Variants in KAT6B observed in about 807,000 individuals in gnomAD.
KAT6B encodes the protein lysine acetyltransferase 6B.
In KAT6B, 10 loss-of-function variants were observed where a neutral mutation model predicts 187.5. The ratio of observed to expected loss-of-function variants is 0.05; its 90% CI spans 0.03 to 0.09. The LOEUF (loss-of-function observed/expected upper bound fraction) is 0.09, where lower values mean the gene tolerates loss of function less well. KAT6B is among the 10% of genes least tolerant of loss of function. The pLI is 1.00. For missense variants in KAT6B, 1,952 were observed against 2,558.9 expected (o/e 0.76, Z 5.12); for synonymous variants, 861 against 926.8 (o/e 0.93, Z 1.29).
intron 3 of KAT6B, among the ~76,000 whole-genome samples, chr10:74,900,565 T>G (rs543783008): frequency 6.6e-6 from 1 of 152,328 alleles, no homozygotes; most frequent in East Asian, 1.9e-4. Flanking sequence ...TGGAGGCATG[T>G]GCCCATGCTT....
intron 3 of KAT6B, among the ~76,000 whole-genome samples, chr10:74,929,018 A>G (rs139492523): frequency 1.4e-4 from 21 of 152,290 alleles, no homozygotes; most frequent in African/African-American, 5.1e-4. Flanking sequence ...TTAGTGATTT[A>G]TAATTAATTA....
At chr10:74,870,729 C>T (rs931229063) in intron 3 of KAT6B, among the ~76,000 whole-genome samples, 4 of 151,360 alleles carry the variant, frequency 2.6e-5, no homozygotes, top group Admixed American at 6.6e-5. Context: ...CAGGCATGCG[C>T]CACCACGCCC....
In KAT6B at chr10:74,981,772, T is replaced by C. The variant is rs371892891; in HGVS notation, c.2232-15T>C. The C allele has an allele frequency of 6.8e-7, 1 of 1,475,270 alleles. No individual in the cohort carries two copies. The highest frequency in any genetic ancestry group is 1.4e-5 in the African/African-American group (1 of 72,040). 91.4% of individuals were successfully genotyped at this position (1,475,270 alleles called of 1,614,324 possible). ...AATCTATCTGATAGATTCTATGATT[T>C]TTAAACTTTAACAGATTACCAAAGC... On this transcript the variant is annotated splice_polypyrimidine_tract_variant and intron_variant, in intron 10 of 17. Coordinates refer to ENST00000287239, the MANE Select transcript of KAT6B (RefSeq NM_012330.4).
At chr10:74,878,409 C>G (rs1221555884) in intron 3 of KAT6B, among the ~76,000 whole-genome samples, 2 of 151,950 alleles carry the variant, frequency 1.3e-5, no homozygotes, top group African/African-American at 4.8e-5. Context: ...CCCTAAAGCT[C>G]AGGAGTTCTA....
upstream of KAT6B, among the ~76,000 whole-genome samples, chr10:74,825,038 G>A (rs1022354449): frequency 1.3e-5 from 2 of 152,194 alleles, no homozygotes; most frequent in African/African-American, 4.8e-5. The surrounding 1 kb of genome is among the most constrained non-coding windows in gnomAD (Gnocchi z 5.0). Flanking sequence ...TCCCACACAA[G>A]GATGCCGCCG....
chr10:74,934,936 A>G (rs1849134825), intron 3 of KAT6B, among the ~76,000 whole-genome samples: 1 of 152,204 alleles, frequency 6.6e-6, no homozygotes, highest in South Asian at 2.1e-4. Context: ...CTACTGACAG[A>G]ATCCCTTCCC....
chr10:75,018,826 G>T (rs1431091305), intron 13 of KAT6B, among the ~76,000 whole-genome samples: 1 of 152,122 alleles, frequency 6.6e-6, no homozygotes, highest in Non-Finnish European at 1.5e-5. Context: ...TTCAATTGTG[G>T]GATCTCATGG....
chr10:74,863,115 G>A (rs771141261), intron 3 of KAT6B, among the ~76,000 whole-genome samples: 4 of 152,126 alleles, frequency 2.6e-5, no homozygotes, highest in African/African-American at 7.2e-5. Flanking sequence ...AGAAAGATTT[G>A]GAGATGATAC....
At chr10:74,833,190 G>A (rs1170282807) in intron 1 of KAT6B, among the ~76,000 whole-genome samples, 1 of 150,042 alleles carries the variant, frequency 6.7e-6, no homozygotes, top group East Asian at 1.9e-4. Flanking sequence ...CATTATTCTC[G>A]GTCTTTGTCA....
intron 7 of KAT6B, among the ~76,000 whole-genome samples, chr10:74,975,002 A>G (rs1842064785): frequency 6.6e-6 from 1 of 152,244 alleles, no homozygotes; most frequent in Non-Finnish European, 1.5e-5. Flanking sequence ...CTTCTGGATA[A>G]CACATATGAC....
Position 74,830,750 on chromosome 10 carries a change from A to ATATATATATATATG in KAT6B, c.-329+3978_-329+3979insGTATATATATATAT, listed in dbSNP as rs1554912263. Among the ~76,000 whole-genome samples, 98 of 20,716 alleles carry ATATATATATATATG rather than the reference A, an allele frequency of 4.7e-3. 2 individuals are homozygous for ATATATATATATATG. Among genetic ancestry groups the ATATATATATATATG allele is most frequent in the African/African-American group, 0.029 (82 of 2,796 alleles). The allele number at this position is 20,716 out of a possible 152,430, so 13.6% of individuals were successfully genotyped here. A position where few individuals can be genotyped will look rare whatever the true frequency, so the allele number is the denominator to read the frequency against. On this transcript the variant is annotated intron_variant, in intron 1 of 17. Coordinates refer to ENST00000287239, the MANE Select transcript of KAT6B (RefSeq NM_012330.4). ...GCTCTTCATATATATATATATATAT[A>ATATATATATATATG]TATATATATATATATATATTTTTTT...
rs1848655007 is a variant in KAT6B, at chr10:74,928,596, G to T, written c.622-31374G>T. Among the ~76,000 whole-genome samples, 3 of 152,084 alleles carry T rather than the reference G, an allele frequency of 2.0e-5. No homozygotes were observed. The South Asian group carries it at 6.2e-4, about 32-fold the overall frequency. On this transcript the variant is annotated intron_variant, in intron 3 of 17. Coordinates refer to ENST00000287239, the MANE Select transcript of KAT6B (RefSeq NM_012330.4). ...TGAATCACTGGCTTAATCACTGGTG[G>T]GGGGCCTGGTTTTTAGTCTGTGTCT...
At chr10:74,890,698 A>G (rs902325389) in intron 3 of KAT6B, among the ~76,000 whole-genome samples, 1 of 152,248 alleles carries the variant, frequency 6.6e-6, no homozygotes, top group Admixed American at 6.5e-5. Flanking sequence ...GAGAATGCCA[A>G]GTTTAGAAAT....
intron 3 of KAT6B, among the ~76,000 whole-genome samples, chr10:74,886,845 A>G (rs1024465231): frequency 3.3e-5 from 5 of 152,218 alleles, no homozygotes; most frequent in Non-Finnish European, 7.3e-5. Context: ...GCTTGGAGTC[A>G]GGGAACTCGG....
Position 74,969,703 on chromosome 10 carries a change from T to C in KAT6B, c.774T>C (p.Asn258=), listed in dbSNP as rs1200912620. The part of the protein sequence containing the change: ...CLKFCPELTT[N]VKALRWQCIE... ...AATTTTGTCCTGAATTAACAACAAA[T>C]GTAAAGGCCTTAAGGTGGCAGTGCA... Residue 258 remains asparagine (N), a synonymous_variant, in exon 5 of 18, where the codon AAT becomes AAC. Transcript: ENST00000287239. The C allele has an allele frequency of 2.5e-6, 4 of 1,614,064 alleles. No individual in the cohort carries two copies. The highest frequency in any genetic ancestry group is 2.2e-5 in the East Asian group (1 of 44,884).
At chr10:74,989,534 T>C (rs1435606859) in intron 13 of KAT6B, among the ~76,000 whole-genome samples, 1 of 152,206 alleles carries the variant, frequency 6.6e-6, no homozygotes, top group Non-Finnish European at 1.5e-5. Context: ...ATATTTCCAT[T>C]TAGAAAAATA....
intron 3 of KAT6B, among the ~76,000 whole-genome samples, chr10:74,885,657 CAG>C (rs1188067141): frequency 6.6e-6 from 1 of 151,558 alleles, no homozygotes; most frequent in African/African-American, 2.4e-5. Context: ...GTGGAGGACT[CAG>C]AGGTGAGTGG....
At chr10:74,875,373 C>CA (rs1486259858) in intron 3 of KAT6B, among the ~76,000 whole-genome samples, 1 of 151,988 alleles carries the variant, frequency 6.6e-6, no homozygotes, top group Non-Finnish European at 1.5e-5. Flanking sequence ...CACATTAAAG[C>CA]AATCTTGAAT....
intron 1 of KAT6B, among the ~76,000 whole-genome samples, chr10:74,828,870 C>T (rs1840506092): frequency 6.6e-6 from 1 of 151,948 alleles, no homozygotes; most frequent in Non-Finnish European, 1.5e-5. Context: ...CCCGGCCATT[C>T]ATAAGTTCTT....
Sources: gnomAD v4.1 joint callset for allele counts (sites outside exome capture counted in the v4.1 genomes callset) on GRCh38, gnomAD v4.1.1 for gene constraint, Gnocchi (gnomAD v3.1) non-coding constraint, MANE v1.5 for transcripts, NCBI Gene and HGNC (gene_info 2026-07-23, HGNC 2026-07-21) for gene names.